The following WWOX variants were observed in gnomAD, a reference collection of about 807,000 sequenced individuals.
WWOX encodes WW domain-containing oxidoreductase.
Under a neutral mutation model 46.2 loss-of-function variants are expected in WWOX, and 69 were observed. The ratio of observed to expected loss-of-function variants is 1.49; its 90% CI spans 1.23 to 1.82. The LOEUF is 1.82. Among genes scored for constraint, WWOX ranks in the 40% most tolerant of loss-of-function variants. The pLI is 0.00. For synonymous variants in WWOX, 359 were observed against 202.6 expected (o/e 1.77, Z -6.56); for missense variants, 919 against 542.6 (o/e 1.69, Z -6.89).
chr16:78,724,163 G>A (rs1002636289), intron 8 of WWOX, among the ~76,000 whole-genome samples: 3 of 152,106 alleles, frequency 2.0e-5, no homozygotes, highest in Non-Finnish European at 4.4e-5. Flanking sequence ...CCACATCCCG[G>A]TTCATATCTC....
chr16:78,549,389 A>T (rs2044123240), intron 8 of WWOX, among the ~76,000 whole-genome samples: 1 of 152,198 alleles, frequency 6.6e-6, no homozygotes, highest in South Asian at 2.1e-4. Context: ...AGGTTTTTAG[A>T]CAGAATATCA....
intron 8 of WWOX, among the ~76,000 whole-genome samples, chr16:79,175,738 C>T (rs143006323): frequency 8.7e-4 from 133 of 152,286 alleles, no homozygotes; most frequent in African/African-American, 3.2e-3. Flanking sequence ...CAAAAAAGAT[C>T]CTTTCAGAGT....
intron 8 of WWOX, among the ~76,000 whole-genome samples, chr16:78,626,142 TC>T (rs1324736184): frequency 6.6e-6 from 1 of 151,964 alleles, no homozygotes; most frequent in Non-Finnish European, 1.5e-5. Flanking sequence ...ATTTTTTTTT[TC>T]TTTTTGAGAT....
intron 5 of WWOX, among the ~76,000 whole-genome samples, chr16:78,171,250 G>T (rs66677309): frequency 0.067 from 10,121 of 152,194 alleles, 384 homozygotes; most frequent in Non-Finnish European, 0.093. Flanking sequence ...TGATATTAAG[G>T]AACGATGGGT....
Position 78,348,020 on chromosome 16 carries a change from T to C in WWOX, c.517-38840T>C, listed in dbSNP as rs2081122002. Among the ~76,000 whole-genome samples the C allele has an allele frequency of 1.6e-5, 2 of 122,718 alleles. 1 individual carries two copies. Among genetic ancestry groups the C allele is most frequent in the Non-Finnish European group, 3.9e-5 (2 of 51,110 alleles). The allele number at this position is 122,718 out of a possible 152,430, so 80.5% of individuals were successfully genotyped here. ...AGTTTTAAAGGAATATAAAACTTTC[T>C]CTTTAAAAATATACCTTTCTGCTTC... On this transcript the variant is annotated intron_variant, in intron 5 of 8. Coordinates refer to ENST00000566780, the MANE Select transcript of WWOX (RefSeq NM_016373.4).
chr16:78,740,847 A>T (rs1019295363), intron 8 of WWOX, among the ~76,000 whole-genome samples: 2 of 152,108 alleles, frequency 1.3e-5, no homozygotes, highest in African/African-American at 4.8e-5. Context: ...TATAACTCCT[A>T]TGATAAAAAG....
chr16:79,061,421 G>C (rs917189186), intron 8 of WWOX, among the ~76,000 whole-genome samples: 1 of 152,208 alleles, frequency 6.6e-6, no homozygotes, highest in African/African-American at 2.4e-5. Context: ...GTGAGTGTGG[G>C]AGGACTGGTA....
chr16:79,018,720 C>G (rs1014479222), intron 8 of WWOX, among the ~76,000 whole-genome samples: 1 of 152,202 alleles, frequency 6.6e-6, no homozygotes, highest in African/African-American at 2.4e-5. Flanking sequence ...GTGATTGATT[C>G]TGCAGAGCCA....
intron 8 of WWOX, among the ~76,000 whole-genome samples, chr16:78,709,994 G>T (rs1255407413): frequency 6.6e-6 from 1 of 152,140 alleles, no homozygotes; most frequent in East Asian, 1.9e-4. Context: ...TCCTCCCAAA[G>T]TGTTGGGATT....
chr16:79,180,681 TCTCC>T (rs917199093), intron 8 of WWOX, among the ~76,000 whole-genome samples: 3 of 152,060 alleles, frequency 2.0e-5, no homozygotes, highest in African/African-American at 4.8e-5. Flanking sequence ...TCTCTCTCTT[TCTCC>T]CTCCCTCCCT....
chr16:78,931,905 G>T (rs920242319), intron 8 of WWOX, among the ~76,000 whole-genome samples: 1 of 152,184 alleles, frequency 6.6e-6, no homozygotes, highest in African/African-American at 2.4e-5. Flanking sequence ...TTCCCATGCT[G>T]TTGTTATGAT....
chr16:78,356,483 G>A (rs1047940098), intron 5 of WWOX, among the ~76,000 whole-genome samples: 7 of 152,152 alleles, frequency 4.6e-5, no homozygotes, highest in African/African-American at 1.4e-4. Flanking sequence ...TCTCTAGTTT[G>A]TTGTAAGTCG....
At chr16:78,753,649 G>C (rs1223449632) in intron 8 of WWOX, among the ~76,000 whole-genome samples, 1 of 150,822 alleles carries the variant, frequency 6.6e-6, no homozygotes, top group Non-Finnish European at 1.5e-5. Context: ...AACATAAACA[G>C]AAATTAGCTG....
intron 8 of WWOX, among the ~76,000 whole-genome samples, chr16:79,162,826 A>C (rs1322426927): frequency 6.6e-6 from 1 of 152,056 alleles, no homozygotes. Flanking sequence ...TCCTTCCCCA[A>C]CCTTCTGCAA....
chr16:78,963,957 G>T (rs966886939), intron 8 of WWOX, among the ~76,000 whole-genome samples: 1 of 152,086 alleles, frequency 6.6e-6, no homozygotes, highest in Admixed American at 6.6e-5. Context: ...TTTATCAGGG[G>T]TTTCTGCAGT....
chr16:78,717,901 C>T (rs889735390), intron 8 of WWOX, among the ~76,000 whole-genome samples: 2 of 152,144 alleles, frequency 1.3e-5, no homozygotes, highest in Non-Finnish European at 2.9e-5. Flanking sequence ...GAAACCTATT[C>T]ACGACATAGT....
intron 8 of WWOX, among the ~76,000 whole-genome samples, chr16:78,951,145 G>A (rs1474237218): frequency 6.6e-6 from 1 of 152,174 alleles, no homozygotes; most frequent in Non-Finnish European, 1.5e-5. Context: ...GGGATTGATT[G>A]GCAACTGGGA....
At chr16:78,390,776 A>G (rs535937975) in intron 6 of WWOX, among the ~76,000 whole-genome samples, 1 of 152,132 alleles carries the variant, frequency 6.6e-6, no homozygotes, top group African/African-American at 2.4e-5. Flanking sequence ...AGACATTAAA[A>G]TTTTCTTGTG....
chr16:79,199,195 T>C (rs2051298910), intron 8 of WWOX, among the ~76,000 whole-genome samples: 2 of 152,334 alleles, frequency 1.3e-5, no homozygotes, highest in Admixed American at 1.3e-4. Context: ...CCCAAGTAAG[T>C]GGGACTACAG....
Sources: gnomAD v4.1 joint callset for allele counts (sites outside exome capture counted in the v4.1 genomes callset) on GRCh38, gnomAD v4.1.1 for gene constraint, MANE v1.5 for transcripts, NCBI Gene and HGNC (gene_info 2026-07-23, HGNC 2026-07-21) for gene names.